The following ANKRD6 variants were observed in gnomAD, a reference collection of about 807,000 sequenced individuals.
ANKRD6 encodes ankyrin repeat domain-containing protein 6.
A neutral mutation model predicts 82.3 loss-of-function variants in ANKRD6; 56 were observed. That is an observed-to-expected ratio of 0.68 (90% CI 0.55 to 0.85). ANKRD6 has a LOEUF of 0.85. Among genes scored for constraint, ANKRD6 ranks in the 40% least tolerant of loss-of-function variants. The probability of loss-of-function intolerance (pLI) is 0.00; values close to 1 mark genes in which losing one functional copy is unlikely to be tolerated. For missense variants in ANKRD6, 852 were observed against 907.6 expected (o/e 0.94, Z 0.79); for synonymous variants, 347 against 352.1 (o/e 0.99, Z 0.16).
intron 1 of ANKRD6, among the ~76,000 whole-genome samples, chr6:89,554,169 A>G (rs1442076402): frequency 6.6e-6 from 1 of 152,250 alleles, no homozygotes; most frequent in Non-Finnish European, 1.5e-5. Flanking sequence ...ATGGCTGGAA[A>G]CAACAGACAT....
chr6:89,522,392 TAGAA>T (rs954930248), intron 1 of ANKRD6, among the ~76,000 whole-genome samples: 13 of 152,166 alleles, frequency 8.5e-5, no homozygotes, highest in African/African-American at 2.9e-4. Context: ...AAGAGTGTCA[TAGAA>T]AGAACTGCCA....
chr6:89,628,926 A>T, intron 14 of ANKRD6, 186 bp from the exon 15 acceptor site: 1 of 613,944 alleles, frequency 1.6e-6, no homozygotes, highest in Non-Finnish European at 2.7e-6. Context: ...TTTCAACATG[A>T]GATTTGGAGG....
At chr6:89,601,433 G>A (rs1333592666) in intron 3 of ANKRD6, among the ~76,000 whole-genome samples, 1 of 152,080 alleles carries the variant, frequency 6.6e-6, no homozygotes, top group African/African-American at 2.4e-5. Context: ...CCTGTTACTG[G>A]GGTATTGTTT....
chr6:89,444,354 G>A (rs1291453499), intron 1 of ANKRD6, among the ~76,000 whole-genome samples: 2 of 152,116 alleles, frequency 1.3e-5, no homozygotes, highest in Non-Finnish European at 2.9e-5. Flanking sequence ...ATACAAAACA[G>A]AAAAAGTTAA....
At chr6:89,506,617 A>ATT (rs1779895423) in intron 1 of ANKRD6, among the ~76,000 whole-genome samples, 1 of 152,194 alleles carries the variant, frequency 6.6e-6, no homozygotes, top group Non-Finnish European at 1.5e-5. Flanking sequence ...CCCCAGCCTA[A>ATT]ATTTATACAA....
chr6:89,585,615 A>G (rs1793520162), intron 2 of ANKRD6, among the ~76,000 whole-genome samples: 1 of 152,256 alleles, frequency 6.6e-6, no homozygotes, highest in African/African-American at 2.4e-5. Flanking sequence ...AGTTTTAGAA[A>G]GTACTAGGGC....
intron 4 of ANKRD6, among the ~76,000 whole-genome samples, chr6:89,604,526 A>G (rs1304796622): frequency 6.6e-6 from 1 of 151,982 alleles, no homozygotes; most frequent in African/African-American, 2.4e-5. Flanking sequence ...CTTTTTAAAA[A>G]TAACTTTTCA....
chr6:89,473,049 A>G (rs1024803489), intron 1 of ANKRD6, among the ~76,000 whole-genome samples: 1 of 152,084 alleles, frequency 6.6e-6, no homozygotes, highest in African/African-American at 2.4e-5. Flanking sequence ...TCCCTTGCCT[A>G]TACCTTTTAA....
In ANKRD6 at chr6:89,520,532, C is replaced by T. The variant is rs185815972; in HGVS notation, c.-143-46302C>T. 4.7e-4 allele frequency among the ~76,000 whole-genome samples: 72 copies of T among 152,320 alleles called. 1 individual carries two copies. The highest frequency in any genetic ancestry group is 2.8e-4 in the Non-Finnish European group (19 of 68,032). On this transcript the variant is annotated intron_variant, in intron 1 of 15. Transcript: ENST00000339746. ...ATGGTCTTCTTTCAGTAGTTCACAT[C>T]ACTGTTTCCTGGATTATTAATGGCT...
chr6:89,604,481 T>C (rs1225129008), intron 4 of ANKRD6, among the ~76,000 whole-genome samples: 1 of 149,582 alleles, frequency 6.7e-6, no homozygotes, highest in Non-Finnish European at 1.5e-5. Flanking sequence ...TTTTTTTTTC[T>C]TTAAAGAGGC....
intron 1 of ANKRD6, among the ~76,000 whole-genome samples, chr6:89,434,801 G>A (rs1770420085): frequency 1.3e-5 from 2 of 152,052 alleles, no homozygotes; most frequent in African/African-American, 4.8e-5. Flanking sequence ...TATTTGTTTA[G>A]CATATGGTAA....
At chr6:89,486,362 T>C (rs538147222) in intron 1 of ANKRD6, among the ~76,000 whole-genome samples, 9 of 152,048 alleles carry the variant, frequency 5.9e-5, no homozygotes, top group Admixed American at 2.6e-4. Context: ...TAAAAATATA[T>C]ATACCATCTA....
Position 89,629,170 on chromosome 6 carries a change from A to G in ANKRD6, c.1544A>G (p.Gln515Arg). 6.2e-7 allele frequency: 1 copy of G among 1,613,936 alleles called. No individual in the cohort carries two copies. Among genetic ancestry groups the G allele is most frequent in the Non-Finnish European group, 8.5e-7 (1 of 1,179,882 alleles). ...WCMLKIQNLE[Q>R]KLSGDSRACR... ...ATGTTAAAGATTCAGAATCTGGAGC[A>G]GAAGCTTTCTGGAGATTCTAGGGCC... The change falls in exon 15 of 16, where the codon CAG (glutamine) becomes CGG (arginine). Residue 515 changes from glutamine (Q) to arginine (R), a missense_variant. Coordinates refer to ENST00000339746, the MANE Select transcript of ANKRD6 (RefSeq NM_001242809.2).
intron 1 of ANKRD6, among the ~76,000 whole-genome samples, chr6:89,482,107 G>C (rs1481590210): frequency 2.0e-5 from 3 of 152,186 alleles, no homozygotes; most frequent in South Asian, 4.1e-4. Flanking sequence ...CCCCGCCTTT[G>C]CTTCTAAGTC....
At chr6:89,580,854 C>T (rs552159123) in intron 2 of ANKRD6, among the ~76,000 whole-genome samples, 14 of 152,172 alleles carry the variant, frequency 9.2e-5, no homozygotes, top group African/African-American at 9.7e-5. Flanking sequence ...CTCCCCAGGA[C>T]GTGGGGGAAA....
intron 1 of ANKRD6, among the ~76,000 whole-genome samples, chr6:89,517,872 A>G (rs924699532): frequency 3.9e-5 from 6 of 152,234 alleles, no homozygotes; most frequent in East Asian, 1.9e-4. Flanking sequence ...ATGGGATCTT[A>G]CCAGTCATAG....
chr6:89,499,553 G>A (rs571692246), intron 1 of ANKRD6, among the ~76,000 whole-genome samples: 7 of 152,118 alleles, frequency 4.6e-5, no homozygotes, highest in Non-Finnish European at 7.4e-5. Context: ...GGTTGGGGTC[G>A]CAGTGCTGGG....
chr6:89,477,959 G>A (rs1314079745), intron 1 of ANKRD6, among the ~76,000 whole-genome samples: 1 of 151,968 alleles, frequency 6.6e-6, no homozygotes, highest in Non-Finnish European at 1.5e-5. Flanking sequence ...CACATTTTCT[G>A]ATTATTGTGC....
intron 1 of ANKRD6, among the ~76,000 whole-genome samples, chr6:89,440,720 A>C (rs774941378): frequency 6.6e-6 from 1 of 152,042 alleles, no homozygotes; most frequent in East Asian, 1.9e-4. Flanking sequence ...GCTTGAGCCC[A>C]GGAGTTTGAG....
Sources: allele counts gnomAD v4.1 joint callset (sites outside exome capture counted in the v4.1 genomes callset), GRCh38; gene constraint gnomAD v4.1.1; transcripts MANE v1.5; gene names NCBI Gene and HGNC (gene_info 2026-07-23, HGNC 2026-07-21).